Variants in PTPRK observed in about 807,000 individuals in gnomAD.
PTPRK encodes receptor-type tyrosine-protein phosphatase kappa.
PTPRK carries 75 observed loss-of-function variants against 178.0 expected under a neutral mutation model. That is an observed-to-expected ratio of 0.42 (90% CI 0.35 to 0.51). The LOEUF is 0.51. Among genes scored for constraint, PTPRK ranks in the 20% least tolerant of loss-of-function variants. The pLI, the probability that PTPRK is intolerant of heterozygous loss-of-function variation, is 0.02. For missense variants in PTPRK, 1,441 were observed against 1,797.8 expected (o/e 0.80, Z 3.59); for synonymous variants, 637 against 620.6 (o/e 1.03, Z -0.39).
In PTPRK at chr6:128,386,636, C is replaced by T. The variant is rs566533645; in HGVS notation, c.223+10930G>A. On this transcript the variant is annotated intron_variant, in intron 2 of 29. Transcript: ENST00000368226. ...CTGAAGTAATAAAGGCTACTGAAAA[C>T]ACAATTCTAGATTTCTAATGAAATC... 2.0e-5 allele frequency among the ~76,000 whole-genome samples: 3 copies of T among 152,306 alleles called. No homozygotes were observed. In the East Asian group the frequency reaches 5.8e-4, roughly 29 times the overall value.
chr6:128,497,139 A>G (rs1264066672), intron 1 of PTPRK, among the ~76,000 whole-genome samples: 1 of 152,214 alleles, frequency 6.6e-6, no homozygotes, highest in Non-Finnish European at 1.5e-5. Flanking sequence ...ATTCTATACT[A>G]CCAGCAAGTG....
chr6:128,304,003 G>A (rs1826017070), intron 3 of PTPRK, among the ~76,000 whole-genome samples: 1 of 152,100 alleles, frequency 6.6e-6, no homozygotes, highest in Non-Finnish European at 1.5e-5. Flanking sequence ...ACAGCCCCAC[G>A]ACTTATGCAA....
At chr6:128,050,947 G>C (rs1276569118) in intron 13 of PTPRK, among the ~76,000 whole-genome samples, 1 of 152,118 alleles carries the variant, frequency 6.6e-6, no homozygotes, top group African/African-American at 2.4e-5. Context: ...CTTTCACATT[G>C]TTCTTCAAGA....
At chr6:128,022,328 G>A (rs1310085544) in intron 13 of PTPRK, among the ~76,000 whole-genome samples, 2 of 152,202 alleles carry the variant, frequency 1.3e-5, no homozygotes, top group African/African-American at 2.4e-5. Flanking sequence ...CTGGAAGGTC[G>A]GGGGACAGAG....
At chr6:128,049,569 CTT>C (rs897425564) in intron 13 of PTPRK, among the ~76,000 whole-genome samples, 5 of 151,816 alleles carry the variant, frequency 3.3e-5, no homozygotes, top group African/African-American at 7.3e-5. Context: ...TGAAATGCCT[CTT>C]TTGTTAGTTT....
At chr6:128,201,094 AC>A (rs1805858758) in intron 6 of PTPRK, among the ~76,000 whole-genome samples, 1 of 152,172 alleles carries the variant, frequency 6.6e-6, no homozygotes, top group Non-Finnish European at 1.5e-5. Context: ...AAGCACTATG[AC>A]TTTAAAAGAG....
At chr6:127,979,232 T>C (rs1376335118) in intron 25 of PTPRK, among the ~76,000 whole-genome samples, 3 of 152,076 alleles carry the variant, frequency 2.0e-5, no homozygotes, top group Non-Finnish European at 4.4e-5. Flanking sequence ...TCTGTGATCA[T>C]GCACGACACT....
At chr6:128,174,589 C>T (rs985873540) in intron 7 of PTPRK, among the ~76,000 whole-genome samples, 6 of 151,788 alleles carry the variant, frequency 4.0e-5, no homozygotes, top group Non-Finnish European at 7.4e-5. Flanking sequence ...AACCAGCTGG[C>T]AAAATTCCTG....
intron 7 of PTPRK, among the ~76,000 whole-genome samples, chr6:128,158,810 C>T (rs933069768): frequency 6.6e-6 from 1 of 151,824 alleles, no homozygotes; most frequent in African/African-American, 2.4e-5. Flanking sequence ...ATAGTTATAG[C>T]TTTTTAAAAA....
intron 13 of PTPRK, among the ~76,000 whole-genome samples, chr6:128,058,407 G>A (rs556777565): frequency 2.0e-5 from 3 of 152,204 alleles, no homozygotes; most frequent in South Asian, 2.1e-4. Context: ...TTTTCCTGTT[G>A]AGCACCATTT....
chr6:128,394,817 A>C lies in PTPRK; in HGVS notation c.223+2749T>G, dbSNP rs539814065. Among the ~76,000 whole-genome samples the C allele has an allele frequency of 2.6e-5, 4 of 152,174 alleles. No individual in the cohort carries two copies. In the East Asian group the frequency reaches 5.8e-4, roughly 22 times the overall value. Reference sequence around the variant, plus strand: ...TTTTTTTTATTATTCTCTACTATCTATCTTCAGTCTTCTTTCATTCTAATC... The same window carrying C: ...TTTTTTTTATTATTCTCTACTATCTCTCTTCAGTCTTCTTTCATTCTAATC... On this transcript the variant is annotated intron_variant, in intron 2 of 29. Coordinates refer to ENST00000368226, the MANE Select transcript of PTPRK (RefSeq NM_002844.4).
At chr6:128,096,420 A>G (rs552391363) in intron 7 of PTPRK, among the ~76,000 whole-genome samples, 1 of 152,172 alleles carries the variant, frequency 6.6e-6, no homozygotes, top group Non-Finnish European at 1.5e-5. Context: ...ACAACTCAGG[A>G]CATGACAGGT....
chr6:127,979,404 T>G (rs1774996461), intron 25 of PTPRK, among the ~76,000 whole-genome samples: 1 of 152,278 alleles, frequency 6.6e-6, no homozygotes, highest in South Asian at 2.1e-4. Flanking sequence ...CTCCTTTTCT[T>G]GTTCACACAT....
intron 7 of PTPRK, among the ~76,000 whole-genome samples, chr6:128,177,241 T>C (rs1375242352): frequency 6.6e-6 from 1 of 151,776 alleles, no homozygotes; most frequent in Non-Finnish European, 1.5e-5. Flanking sequence ...CTTCATCATA[T>C]ACTCCTGGTG....
intron 7 of PTPRK, among the ~76,000 whole-genome samples, chr6:128,102,659 C>G (rs1788986172): frequency 6.6e-6 from 1 of 152,144 alleles, no homozygotes; most frequent in Non-Finnish European, 1.5e-5. Context: ...AAGGAAAATA[C>G]TTTTGAATGT....
chr6:128,459,639 T>C (rs1432235343), intron 1 of PTPRK, among the ~76,000 whole-genome samples: 2 of 152,166 alleles, frequency 1.3e-5, no homozygotes, highest in Non-Finnish European at 2.9e-5. Context: ...TTCCTCCAAG[T>C]AAGAAACCTT....
At position 127,996,948 on chromosome 6, in the gene PTPRK, T is replaced by C; in HGVS notation, c.2720A>G (p.Lys907Arg). The change falls in exon 17 of 30, where the codon AAA (lysine) becomes AGA (arginine). Residue 907 changes from lysine to arginine, a missense_variant. Lys to Arg is a conservative substitution (Grantham distance 26). Transcript: ENST00000368226. The part of the protein sequence containing the change: ...EGQSASWDVA[K>R]KDQNRAKNRY... ...GTTTTTTGCTCTATTTTGATCTTTT[T>C]TAGCTACATCCCAAGATGCTGACTG... 2.5e-6 allele frequency: 4 copies of C among 1,612,084 alleles called. No individual in the cohort carries two copies. The highest frequency in any genetic ancestry group is 3.4e-6 in the Non-Finnish European group (4 of 1,178,920).
chr6:127,977,987 G>A (rs544062396), intron 25 of PTPRK, among the ~76,000 whole-genome samples: 10 of 152,250 alleles, frequency 6.6e-5, no homozygotes, highest in African/African-American at 2.4e-4. Context: ...TACTATTTAA[G>A]TCCTTCAAGA....
At chr6:128,446,035 C>T (rs1846975840) in intron 1 of PTPRK, among the ~76,000 whole-genome samples, 1 of 151,504 alleles carries the variant, frequency 6.6e-6, no homozygotes, top group South Asian at 2.1e-4. Context: ...AGAATCAGAT[C>T]CAAGAGAAAA....
Sources: allele counts gnomAD v4.1 joint callset (sites outside exome capture counted in the v4.1 genomes callset), GRCh38; gene constraint gnomAD v4.1.1; transcripts MANE v1.5; gene names NCBI Gene and HGNC (gene_info 2026-07-23, HGNC 2026-07-21).